FIGN: variants seen among roughly 807,000 people sequenced by gnomAD.
The protein encoded by FIGN is fidgetin, microtubule severing factor.
A neutral mutation model predicts 51.3 loss-of-function variants in FIGN; 11 were observed. The observed-to-expected ratio is 0.21, with a 90% CI of 0.13 to 0.35. The LOEUF (loss-of-function observed/expected upper bound fraction) is 0.35. Ranked by LOEUF, FIGN falls within the 10% of genes least tolerant of loss-of-function variation. FIGN has a pLI of 1.00. For missense variants in FIGN, 857 were observed against 943.6 expected (o/e 0.91, Z 1.20); for synonymous variants, 407 against 363.2 (o/e 1.12, Z -1.37).
intron 2 of FIGN, among the ~76,000 whole-genome samples, chr2:163,617,722 C>A (rs909003176): frequency 6.6e-6 from 1 of 152,128 alleles, no homozygotes. Context: ...TTGCTTACAT[C>A]ATCACTTATT....
intron 2 of FIGN, among the ~76,000 whole-genome samples, chr2:163,650,460 G>T (rs1318421736): frequency 6.6e-6 from 1 of 151,888 alleles, no homozygotes; most frequent in Non-Finnish European, 1.5e-5. Context: ...TTGTTACATA[G>T]GTATACACGT....
chr2:163,735,459 G>T (rs1488313142), intron 1 of FIGN, among the ~76,000 whole-genome samples: 6 of 152,124 alleles, frequency 3.9e-5, no homozygotes, highest in African/African-American at 1.4e-4. Flanking sequence ...TTACTTAGAA[G>T]TTAGTTCCCG....
At chr2:163,635,102 G>T (rs1683205629) in intron 2 of FIGN, among the ~76,000 whole-genome samples, 1 of 152,148 alleles carries the variant, frequency 6.6e-6, no homozygotes, top group Non-Finnish European at 1.5e-5. Flanking sequence ...TACCTACTAT[G>T]TGTATGCTTA....
chr2:163,704,362 T>C (rs1249358249), intron 2 of FIGN, among the ~76,000 whole-genome samples: 2 of 152,096 alleles, frequency 1.3e-5, no homozygotes, highest in Non-Finnish European at 2.9e-5. Flanking sequence ...GTGGCAATTC[T>C]GTGGTGATGA....
chr2:163,646,271 G>A (rs1683380034), intron 2 of FIGN, among the ~76,000 whole-genome samples: 1 of 151,914 alleles, frequency 6.6e-6, no homozygotes, highest in South Asian at 2.1e-4. Context: ...TTAACTAAAA[G>A]TAAATTTACA....
chr2:163,616,513 C>G (rs1158253222), intron 2 of FIGN, among the ~76,000 whole-genome samples: 2 of 152,156 alleles, frequency 1.3e-5, no homozygotes, highest in African/African-American at 4.8e-5. Flanking sequence ...GCTAGGGGCT[C>G]TGCCTTCATT....
At chr2:163,697,433 C>A (rs1270617121) in intron 2 of FIGN, among the ~76,000 whole-genome samples, 1 of 152,028 alleles carries the variant, frequency 6.6e-6, no homozygotes, top group Non-Finnish European at 1.5e-5. Context: ...GTCCATCTCC[C>A]CCAACCCGGA....
At chr2:163,654,142 C>G (rs1365886047) in intron 2 of FIGN, among the ~76,000 whole-genome samples, 2 of 152,002 alleles carry the variant, frequency 1.3e-5, no homozygotes, top group African/African-American at 2.4e-5. Flanking sequence ...ATTTTATTAA[C>G]TATTATTTTT....
rs12469467 is a variant in FIGN, at chr2:163,735,905, G to C, written c.-213C>G. Reference sequence around the variant, plus strand: ...GATCCGATGTGTTTGCTGATGAATGGAAGCTAGGGTTAAGTGAAGGTGCCT... The same window carrying C: ...GATCCGATGTGTTTGCTGATGAATGCAAGCTAGGGTTAAGTGAAGGTGCCT... On this transcript the variant is annotated 5_prime_UTR_variant, in exon 1 of 3. Coordinates refer to ENST00000333129, the MANE Select transcript of FIGN (RefSeq NM_018086.4). 0.085 allele frequency: 12,934 copies of C among 152,756 alleles called. 692 individuals carry two copies. The highest frequency in any genetic ancestry group is 0.12 in the Admixed American group (1,761 of 15,302). 9.5% of individuals were successfully genotyped at this position (152,756 alleles called of 1,614,324 possible). A position where few individuals can be genotyped will look rare whatever the true frequency, so the allele number is the denominator to read the frequency against.
At chr2:163,649,479 G>C (rs1013993739) in intron 2 of FIGN, among the ~76,000 whole-genome samples, 4 of 152,158 alleles carry the variant, frequency 2.6e-5, no homozygotes, top group Non-Finnish European at 5.9e-5. Context: ...AGAGAGAAAA[G>C]GCCCTGAGAC....
At chr2:163,693,939 T>C (rs1044736859) in intron 2 of FIGN, among the ~76,000 whole-genome samples, 1 of 152,196 alleles carries the variant, frequency 6.6e-6, no homozygotes. Context: ...TTAGAAATAA[T>C]ACAGGTAACA....
chr2:163,629,086 A>G (rs1322098579), intron 2 of FIGN, among the ~76,000 whole-genome samples: 1 of 152,182 alleles, frequency 6.6e-6, no homozygotes, highest in Non-Finnish European at 1.5e-5. Context: ...ATGGGAATCC[A>G]CTGAAACTAT....
At chr2:163,680,944 T>A (rs973211307) in intron 2 of FIGN, among the ~76,000 whole-genome samples, 1 of 152,176 alleles carries the variant, frequency 6.6e-6, no homozygotes, top group African/African-American at 2.4e-5. Context: ...TATTTGAACA[T>A]ATGGCATGTG....
chr2:163,715,146 T>C (rs2105359108), intron 2 of FIGN, among the ~76,000 whole-genome samples: 1 of 152,308 alleles, frequency 6.6e-6, no homozygotes, highest in East Asian at 1.9e-4. Flanking sequence ...TTGTGCATCA[T>C]GTTGATCTAC....
At chr2:163,658,364 G>GCTCGCT (rs1183806153) in intron 2 of FIGN, among the ~76,000 whole-genome samples, 8 of 137,612 alleles carry the variant, frequency 5.8e-5, no homozygotes, top group African/African-American at 2.2e-4. Flanking sequence ...TTAAGAAACA[G>GCTCGCT]CTCTCTCTCT....
chr2:163,712,680 T>G (rs927571103), intron 2 of FIGN, among the ~76,000 whole-genome samples: 1 of 152,150 alleles, frequency 6.6e-6, no homozygotes, highest in Non-Finnish European at 1.5e-5. Flanking sequence ...AACAGTAATA[T>G]TTTTCCATTT....
At chr2:163,725,764 C>T (rs140802263) in intron 2 of FIGN, among the ~76,000 whole-genome samples, 1,620 of 152,054 alleles carry the variant, frequency 0.011, 28 homozygotes, top group African/African-American at 0.036. Flanking sequence ...ACTGTATATG[C>T]TCATTTAGAG....
chr2:163,722,586 T>A (rs1331214794), intron 2 of FIGN, among the ~76,000 whole-genome samples: 1 of 152,198 alleles, frequency 6.6e-6, no homozygotes, highest in African/African-American at 2.4e-5. Context: ...AAGCTATTTG[T>A]TACACCTATA....
intron 2 of FIGN, among the ~76,000 whole-genome samples, chr2:163,695,925 T>C (rs1265778488): frequency 6.6e-6 from 1 of 152,126 alleles, no homozygotes; most frequent in African/African-American, 2.4e-5. Flanking sequence ...CTGGCCAATA[T>C]GGTGAAACCC....
Sources: gnomAD v4.1 joint callset for allele counts (sites outside exome capture counted in the v4.1 genomes callset) on GRCh38, gnomAD v4.1.1 for gene constraint, MANE v1.5 for transcripts, NCBI Gene and HGNC (gene_info 2026-07-23, HGNC 2026-07-21) for gene names.